SLC4A5: variants seen among roughly 807,000 people sequenced by gnomAD.
The protein encoded by SLC4A5 is solute carrier family 4 member 5, also known as electrogenic sodium bicarbonate cotransporter 4.
SLC4A5 carries 96 observed loss-of-function variants against 120.4 expected under a neutral mutation model. The ratio of observed to expected loss-of-function variants is 0.80; its 90% CI spans 0.68 to 0.94. SLC4A5 has a LOEUF of 0.94. Among genes scored for constraint, SLC4A5 ranks in the 40% least tolerant of loss-of-function variants. The pLI, the probability that SLC4A5 is intolerant of heterozygous loss-of-function variation, is 0.00. For missense variants in SLC4A5, 1,259 were observed against 1,459.5 expected, an observed-to-expected ratio of 0.86 and a Z score of 2.24; for synonymous variants, 550 against 571.1, an observed-to-expected ratio of 0.96 and a Z score of 0.53.
intron 18 of SLC4A5, 35 bp downstream of exon 18, chr2:74,248,317 GA>G: frequency 6.2e-7 from 1 of 1,610,114 alleles, no homozygotes; most frequent in South Asian, 1.1e-5. Context: ...CCCCAAATGC[GA>G]GAGCAGGCAC....
chr2:74,288,862 T>C (rs758000713), intron 7 of SLC4A5, among the ~76,000 whole-genome samples: 1 of 152,242 alleles, frequency 6.6e-6, no homozygotes, highest in Non-Finnish European at 1.5e-5. Context: ...CTCTCCTCTG[T>C]TTTTATTAAT....
chr2:74,241,547 C>T (rs1027212322), intron 20 of SLC4A5, among the ~76,000 whole-genome samples: 1 of 151,858 alleles, frequency 6.6e-6, no homozygotes, highest in African/African-American at 2.4e-5. Context: ...TCAAAACCAG[C>T]TTGGCCAACA....
chr2:74,216,877 G>C (rs1453192742), exon 31 of SLC4A5: 1 of 152,120 alleles, frequency 6.6e-6, no homozygotes, highest in Non-Finnish European at 1.5e-5. Flanking sequence ...CCCAAGTAGC[G>C]GGATTACAGG....
chr2:74,269,568 T>C (rs939564816), intron 8 of SLC4A5, among the ~76,000 whole-genome samples: 3 of 152,180 alleles, frequency 2.0e-5, no homozygotes, highest in African/African-American at 7.2e-5. Flanking sequence ...TGCTCAACTT[T>C]TCTTCCTGAG....
At position 74,304,374 on chromosome 2, in the gene SLC4A5, C is replaced by T. The variant is rs571377114; in HGVS notation, c.271+115G>A. 6.2e-6 allele frequency: 7 copies of T among 1,124,160 alleles called. No individual in the cohort carries two copies. The South Asian group carries it at 1.2e-4, about 19-fold the overall frequency. 69.6% of individuals were successfully genotyped at this position (1,124,160 alleles called of 1,614,324 possible). ...AGCAGAGGGGGCCAGAGAGGTTAGG[C>T]TGAGCCATGTGGAGCGTTACCCACA... is the stretch of plus-strand genomic sequence containing the variant. On this transcript the variant is annotated intron_variant, in intron 7 of 30. Transcript: ENST00000394019.
chr2:74,239,055 G>A (rs973856704), intron 21 of SLC4A5, among the ~76,000 whole-genome samples: 5 of 152,196 alleles, frequency 3.3e-5, no homozygotes, highest in African/African-American at 1.2e-4. Context: ...CACAGGAATA[G>A]CTGTATTTTC....
chr2:74,326,469 C>T (rs532319646), intron 5 of SLC4A5, among the ~76,000 whole-genome samples: 24 of 152,322 alleles, frequency 1.6e-4, no homozygotes, highest in South Asian at 2.1e-4. Context: ...TTCATTGCCC[C>T]TACCACTAGC....
intron 7 of SLC4A5, among the ~76,000 whole-genome samples, chr2:74,301,557 A>G (rs1057483769): frequency 6.6e-6 from 1 of 152,252 alleles, no homozygotes; most frequent in Admixed American, 6.5e-5. Context: ...GAGGAAAAAC[A>G]TATGTGGTCA....
intron 6 of SLC4A5, chr2:74,306,780 A>G: frequency 1.2e-6 from 1 of 824,538 alleles, no homozygotes. Context: ...GCCATCCACT[A>G]TCCAGTGGGT....
exon 11 of SLC4A5, chr2:74,262,159 C>G: frequency 6.2e-7 from 1 of 1,613,892 alleles, no homozygotes; most frequent in African/African-American, 1.3e-5. Flanking sequence ...AATTTGCACT[C>G]TGCCGCATCC....
At chr2:74,261,689 A>G (rs1388190806) in intron 11 of SLC4A5, among the ~76,000 whole-genome samples, 4 of 151,996 alleles carry the variant, frequency 2.6e-5, no homozygotes, top group African/African-American at 9.7e-5. Context: ...AGGGGCCGTG[A>G]CTCTGCCCAC....
intron 19 of SLC4A5, among the ~76,000 whole-genome samples, chr2:74,243,132 T>TC (rs1169137382): frequency 8.5e-5 from 13 of 152,322 alleles, no homozygotes; most frequent in African/African-American, 3.1e-4. Context: ...GCTGGGTACT[T>TC]CCCTACCCTG....
intron 30 of SLC4A5, among the ~76,000 whole-genome samples, chr2:74,220,967 A>G (rs1165032432): frequency 6.8e-6 from 1 of 146,448 alleles, no homozygotes; most frequent in Non-Finnish European, 1.5e-5. Context: ...CAGCCTCCCT[A>G]GTAGCTGGGA....
At chr2:74,239,386 G>A (rs1306975270) in exon 21 of SLC4A5, 1 of 1,614,234 alleles carries the variant, frequency 6.2e-7, no homozygotes, top group South Asian at 1.1e-5. Flanking sequence ...TCAGGGTCAT[G>A]GAGTATGTCC....
chr2:74,286,791 C>T (rs1376140649), intron 7 of SLC4A5, among the ~76,000 whole-genome samples: 1 of 152,156 alleles, frequency 6.6e-6, no homozygotes, highest in Non-Finnish European at 1.5e-5. Flanking sequence ...GGAGCTGTGA[C>T]TTGAAAAATG....
At chr2:74,265,305 C>A in intron 8 of SLC4A5, 41 bp from the exon 9 acceptor site, 1 of 1,597,242 alleles carries the variant, frequency 6.3e-7, no homozygotes, top group Admixed American at 1.7e-5. Flanking sequence ...CCAGGGCCCT[C>A]AGGAGGAGGC....
At chr2:74,237,975 G>A (rs974891302) in intron 21 of SLC4A5, among the ~76,000 whole-genome samples, 2 of 151,934 alleles carry the variant, frequency 1.3e-5, no homozygotes, top group Non-Finnish European at 2.9e-5. Context: ...GGTGGCAGGC[G>A]CCTGTAGTCC....
chr2:74,329,521 G>A (rs556984459), intron 4 of SLC4A5, among the ~76,000 whole-genome samples: 6 of 152,242 alleles, frequency 3.9e-5, no homozygotes, highest in African/African-American at 9.6e-5. Flanking sequence ...CCCAGGAGGC[G>A]GAGGTTGCAG....
chr2:74,232,719 G>A, intron 23 of SLC4A5, 72 bp from the exon 24 acceptor site: 1 of 1,554,208 alleles, frequency 6.4e-7, no homozygotes. Flanking sequence ...CCATTCTGTG[G>A]AACATGGTTC....
Sources: allele counts gnomAD v4.1 joint callset (sites outside exome capture counted in the v4.1 genomes callset), GRCh38; gene constraint gnomAD v4.1.1; transcripts MANE v1.5; gene names NCBI Gene and HGNC (gene_info 2026-07-23, HGNC 2026-07-21).